The following PAPSS1 variants were observed in gnomAD, a reference collection of about 807,000 sequenced individuals.
PAPSS1 encodes 3'-phosphoadenosine 5'-phosphosulfate synthase 1, also known as bifunctional 3'-phosphoadenosine 5'-phosphosulfate synthase 1.
A neutral mutation model predicts 72.0 loss-of-function variants in PAPSS1; 50 were observed. The ratio of observed to expected loss-of-function variants is 0.69; its 90% CI spans 0.55 to 0.88. The LOEUF is 0.88. Ranked by LOEUF, PAPSS1 falls within the 40% of genes least tolerant of loss-of-function variation. The pLI is 0.00. For missense variants in PAPSS1, 657 were observed against 782.2 expected, an observed-to-expected ratio of 0.84 and a Z score of 1.91; for synonymous variants, 261 against 263.6, an observed-to-expected ratio of 0.99 and a Z score of 0.09.
Position 107,654,714 on chromosome 4 carries a change from T to C in PAPSS1, c.1082A>G (p.Lys361Arg). ...RCARQWGTTCKNHPYIKMVME... is the reference protein window; with the variant it reads ...RCARQWGTTCRNHPYIKMVME... ...CAGCACCTTAATATAGGGGTGGTTC[T>C]TGCATGTCGTTCCCCACTGTCTGGC... Residue 361 changes from lysine to arginine, a missense_variant, in exon 8 of 12, where the codon AAG (lysine) becomes AGG (arginine). By Grantham distance (26) the Lys-to-Arg change is conservative. Around this residue, in one of 7 missense-constraint regions of PAPSS1, gnomAD observed 190 missense variants for 176.7 expected, o/e 1.07. Coordinates refer to ENST00000265174, the MANE Select transcript of PAPSS1 (RefSeq NM_005443.5). 2 of 1,613,060 alleles carry C rather than the reference T, an allele frequency of 1.2e-6. No individual in the cohort carries two copies. Among genetic ancestry groups the C allele is most frequent in the South Asian group, 1.1e-5 (1 of 91,030 alleles).
chr4:107,668,164 A>T (rs971378773), intron 5 of PAPSS1, among the ~76,000 whole-genome samples: 7 of 152,226 alleles, frequency 4.6e-5, no homozygotes, highest in African/African-American at 1.7e-4. Flanking sequence ...TGTAGGCTGC[A>T]GAATCAATCA....
In PAPSS1 at chr4:107,621,608, C is replaced by CTTTTTTT. The variant is rs10670438; in HGVS notation, c.1737-7228_1737-7222dup. Among the ~76,000 whole-genome samples, 46 of 48,152 alleles carry CTTTTTTT rather than the reference C, an allele frequency of 9.6e-4. 2 individuals carry two copies. Among genetic ancestry groups the CTTTTTTT allele is most frequent in the African/African-American group, 1.1e-3 (14 of 13,152 alleles). The allele number at this position is 48,152 out of a possible 152,430, so 31.6% of individuals were successfully genotyped here. On this transcript the variant is annotated intron_variant, in intron 11 of 11. Coordinates refer to ENST00000265174, the MANE Select transcript of PAPSS1 (RefSeq NM_005443.5). ...CTTTCTAGGAAGACAGGTTTTTTAT[C>CTTTTTTT]TTTTTTTTTTTTTTTTTTTTTTTTT...
chr4:107,624,314 G>A (rs1034242553), intron 11 of PAPSS1, among the ~76,000 whole-genome samples: 4 of 152,172 alleles, frequency 2.6e-5, no homozygotes, highest in Admixed American at 6.5e-5. Context: ...TGCTAACTGC[G>A]TTTCCCACAG....
intron 3 of PAPSS1, among the ~76,000 whole-genome samples, chr4:107,693,447 C>T (rs1722993662): frequency 6.6e-6 from 1 of 152,184 alleles, no homozygotes; most frequent in Non-Finnish European, 1.5e-5. Context: ...CGGAGTTTGA[C>T]ATCTGTCAAG....
chr4:107,692,116 C>T lies in PAPSS1; in HGVS notation c.411+1655G>A, dbSNP rs574367674. Among the ~76,000 whole-genome samples the T allele has an allele frequency of 2.0e-5, 3 of 152,236 alleles. No individual in the cohort carries two copies. The East Asian group carries it at 5.8e-4, about 29-fold the overall frequency. ...AGACGAAAATCTAGGTAATACCATT[C>T]AGGACACAGGCACAGGCAAAAGATT... On this transcript the variant is annotated intron_variant, in intron 3 of 11. Coordinates refer to ENST00000265174, the MANE Select transcript of PAPSS1 (RefSeq NM_005443.5).
intron 3 of PAPSS1, among the ~76,000 whole-genome samples, chr4:107,689,212 C>T (rs990157380): frequency 6.6e-6 from 1 of 152,188 alleles, no homozygotes; most frequent in African/African-American, 2.4e-5. Context: ...TCTGCCACTA[C>T]TGGGGTAAAA....
intron 2 of PAPSS1, among the ~76,000 whole-genome samples, chr4:107,696,901 C>A (rs1350339675): frequency 6.6e-6 from 1 of 152,176 alleles, no homozygotes; most frequent in African/African-American, 2.4e-5. Context: ...TGTGACTTTA[C>A]TACTGTCACA....
intron 3 of PAPSS1, among the ~76,000 whole-genome samples, chr4:107,687,632 C>T (rs780281508): frequency 6.6e-6 from 1 of 152,044 alleles, no homozygotes; most frequent in Non-Finnish European, 1.5e-5. Context: ...CACTTCTCCT[C>T]TCTAACACTC....
chr4:107,660,563 G>T (rs1351199135), intron 5 of PAPSS1, among the ~76,000 whole-genome samples: 1 of 152,072 alleles, frequency 6.6e-6, no homozygotes, highest in African/African-American at 2.4e-5. Context: ...TTGAAAATCA[G>T]AACTTTTTGA....
intron 6 of PAPSS1, among the ~76,000 whole-genome samples, chr4:107,658,279 T>A (rs1727072632): frequency 7.2e-6 from 1 of 139,754 alleles, no homozygotes; most frequent in Non-Finnish European, 1.5e-5. Context: ...TTCTGTTCTG[T>A]GGTCTTGTTA....
intron 11 of PAPSS1, among the ~76,000 whole-genome samples, chr4:107,624,905 T>C (rs1301134473): frequency 6.6e-6 from 1 of 152,236 alleles, no homozygotes; most frequent in Non-Finnish European, 1.5e-5. Context: ...ACTTGTGTAT[T>C]GCAAAGACTG....
chr4:107,653,559 T>C lies in PAPSS1; in HGVS notation c.1169A>G (p.Asn390Ser), dbSNP rs1387208843. The C allele has an allele frequency of 5.0e-6, 8 of 1,613,154 alleles. No homozygotes were observed. Among genetic ancestry groups the C allele is most frequent in the Non-Finnish European group, 6.8e-6 (8 of 1,179,406 alleles). The change falls in exon 9 of 12, where the codon AAT (asparagine) becomes AGT (serine). Residue 390 changes from asparagine (N) to serine (S), a missense_variant. Around this residue, in one of 7 missense-constraint regions of PAPSS1, gnomAD observed 166 missense variants for 228.3 expected, o/e 0.73. Coordinates refer to ENST00000265174, the MANE Select transcript of PAPSS1 (RefSeq NM_005443.5). ...DLQVLDRVYWNDGLDQYRLTP... is the reference protein window; with the variant it reads ...DLQVLDRVYWSDGLDQYRLTP... ...AAGACGATACTGATCAAGACCATCA[T>C]TCCAATAAACTCGATCCAAGACTTG...
intron 5 of PAPSS1, among the ~76,000 whole-genome samples, chr4:107,673,274 G>C (rs1316528345): frequency 6.6e-6 from 1 of 151,980 alleles, no homozygotes; most frequent in Non-Finnish European, 1.5e-5. Flanking sequence ...ACCTAAAGGA[G>C]GAAGTTCAAA....
In PAPSS1 at chr4:107,660,013, T is replaced by G. The variant is rs751144109; in HGVS notation, c.729A>C (p.Lys243Asn). ...EVKELYVPEN[K>N]LHLAKTDAET... Reference sequence around the variant, plus strand: ...CCGCATCTGTTTTTGCCAAATGAAGTTTATTTTCTGGCACATATAGTTCTT... The same window carrying G: ...CCGCATCTGTTTTTGCCAAATGAAGGTTATTTTCTGGCACATATAGTTCTT... The change falls in exon 6 of 12, where the codon AAA (lysine) becomes AAC (asparagine). Residue 243 changes from lysine to asparagine, a missense_variant. Physicochemically the swap from Lys to Asn is moderately conservative, Grantham distance 94. Coordinates refer to ENST00000265174, the MANE Select transcript of PAPSS1 (RefSeq NM_005443.5). 6.2e-7 allele frequency: 1 copy of G among 1,608,776 alleles called. No homozygotes were observed. The highest frequency in any genetic ancestry group is 8.5e-7 in the Non-Finnish European group (1 of 1,177,138).
At chr4:107,677,838 G>A (rs7377478) in intron 5 of PAPSS1, among the ~76,000 whole-genome samples, 29,627 of 152,102 alleles carry the variant, frequency 0.19, 3,174 homozygotes, top group East Asian at 0.37. Context: ...CATATACACC[G>A]TGGAATACTA....
rs1283706146 is a variant in PAPSS1 at position 107,654,715 on chromosome 4, T to TG, written c.1080dup (p.Lys361GlnfsTer7). Reference sequence around the variant, plus strand: ...AGCACCTTAATATAGGGGTGGTTCTTGCATGTCGTTCCCCACTGTCTGGCA... The same window carrying TG: ...AGCACCTTAATATAGGGGTGGTTCTTGGCATGTCGTTCCCCACTGTCTGGCA... On this transcript the variant is annotated frameshift_variant, in exon 8 of 12. Coordinates refer to ENST00000265174, the MANE Select transcript of PAPSS1 (RefSeq NM_005443.5). LOFTEE classifies it high-confidence loss of function. 1 of 1,613,046 alleles carries TG rather than the reference T, an allele frequency of 6.2e-7. No homozygotes were observed.
At chr4:107,643,763 C>A (rs1345461611) in intron 10 of PAPSS1, among the ~76,000 whole-genome samples, 1 of 152,034 alleles carries the variant, frequency 6.6e-6, no homozygotes, top group East Asian at 1.9e-4. Flanking sequence ...TGCCTCTGTT[C>A]CAATGGGAAA....
intron 1 of PAPSS1, 148 bp downstream of exon 1, chr4:107,719,972 C>A: frequency 7.0e-7 from 1 of 1,431,778 alleles, no homozygotes; most frequent in South Asian, 1.5e-5. Context: ...CCCACGGCCC[C>A]AGCCGGGAGG....
intron 10 of PAPSS1, among the ~76,000 whole-genome samples, chr4:107,634,953 A>G (rs927531914): frequency 4.6e-5 from 7 of 151,258 alleles, no homozygotes; most frequent in Non-Finnish European, 3.0e-5. Context: ...GCCCGCTACC[A>G]CGCCCAGCTA....
Sources: allele counts gnomAD v4.1 joint callset (sites outside exome capture counted in the v4.1 genomes callset), GRCh38; gene constraint gnomAD v4.1.1; regional missense constraint gnomAD v4.1.1; transcripts MANE v1.5; gene names NCBI Gene and HGNC (gene_info 2026-07-23, HGNC 2026-07-21).